The following HMCN1 variants were observed in gnomAD, a reference collection of about 807,000 sequenced individuals.
The protein encoded by HMCN1 is hemicentin-1.
HMCN1 carries 321 observed loss-of-function variants against 625.9 expected under a neutral mutation model. The ratio of observed to expected loss-of-function variants is 0.51; its 90% CI spans 0.47 to 0.56. The LOEUF (loss-of-function observed/expected upper bound fraction) is 0.56, where lower values mean the gene tolerates loss of function less well. HMCN1 is among the 20% of genes least tolerant of loss of function. The probability of loss-of-function intolerance (pLI) is 0.00; values close to 1 mark genes in which losing one functional copy is unlikely to be tolerated. For synonymous variants in HMCN1, 2,425 were observed against 2,417.6 expected, an observed-to-expected ratio of 1.00 and a Z score of -0.09; for missense variants, 6,588 against 6,887.3, an observed-to-expected ratio of 0.96 and a Z score of 1.54.
intron 14 of HMCN1, among the ~76,000 whole-genome samples, chr1:185,968,034 ATATG>A (rs1422905263): frequency 1.3e-5 from 2 of 152,214 alleles, no homozygotes; most frequent in Non-Finnish European, 2.9e-5. Flanking sequence ...TATAAAAAGT[ATATG>A]TATGGTAAAA....
chr1:186,070,630 A>G lies in HMCN1; in HGVS notation c.8012A>G (p.Lys2671Arg). The change falls in exon 52 of 107, where the codon AAA becomes AGA. Residue 2671 changes from lysine (K) to arginine (R), a missense_variant. Lys to Arg is a conservative substitution (Grantham distance 26, BLOSUM62 2). Around this residue, in one of 3 missense-constraint regions of HMCN1, gnomAD observed 4,628 missense variants for 4,853.1 expected, o/e 0.95. Coordinates refer to ENST00000271588, the MANE Select transcript of HMCN1 (RefSeq NM_031935.3). ...VKVYIPPIIN[K>R]GDLWGPGLSP... ...TATGCAGTTCCACCCATAATCAATA[A>G]AGGGGACCTTTGGGGGCCAGGTCTT... 1 of 1,612,922 alleles carries G rather than the reference A, an allele frequency of 6.2e-7. No homozygotes were observed. The highest frequency in any genetic ancestry group is 1.7e-5 in the Admixed American group (1 of 60,002).
chr1:186,081,491 T>A, intron 56 of HMCN1, 97 bp downstream of exon 56: 1 of 825,812 alleles, frequency 1.2e-6, no homozygotes, highest in Non-Finnish European at 1.9e-6. Context: ...TATTAGCTTG[T>A]AAATATTATA....
At chr1:185,760,523 T>A (rs1655425612) in intron 1 of HMCN1, among the ~76,000 whole-genome samples, 3 of 152,232 alleles carry the variant, frequency 2.0e-5, no homozygotes, top group Admixed American at 6.5e-5. Flanking sequence ...TTTGTTTTTT[T>A]AAATTTATTC....
At chr1:185,958,219 A>G (rs1649758888) in intron 11 of HMCN1, among the ~76,000 whole-genome samples, 1 of 152,096 alleles carries the variant, frequency 6.6e-6, no homozygotes, top group African/African-American at 2.4e-5. Context: ...GGCCCAGGTG[A>G]TCCTCCCACC....
chr1:186,125,897 A>G, intron 82 of HMCN1, 103 bp downstream of exon 82: 1 of 810,340 alleles, frequency 1.2e-6, no homozygotes, highest in Non-Finnish European at 2.0e-6. Flanking sequence ...TAATTAAAAA[A>G]AATATTCTTG....
Position 185,965,794 on chromosome 1 carries a change from T to C in HMCN1, c.2099-8T>C. On this transcript the variant is annotated splice_region_variant and splice_polypyrimidine_tract_variant and intron_variant, in intron 13 of 106. Transcript: ENST00000271588. ...AATGTTGACTATTTGCGTTTTTGTT[T>C]TTTTCAGAAGCCCCTAAGTTGATGG... The C allele has an allele frequency of 6.4e-7, 1 of 1,565,552 alleles. No individual in the cohort carries two copies. The highest frequency in any genetic ancestry group is 8.8e-7 in the Non-Finnish European group (1 of 1,136,030).
In HMCN1 at chr1:186,178,505, C is replaced by A. The variant is rs1652738719; in HGVS notation, c.16033C>A (p.Gln5345Lys). Residue 5345 changes from glutamine (Q) to lysine (K), a missense_variant, in exon 104 of 107, where the codon CAA becomes AAA. Gln to Lys is a moderately conservative substitution (Grantham distance 53, BLOSUM62 1). Coordinates refer to ENST00000271588, the MANE Select transcript of HMCN1 (RefSeq NM_031935.3). Reference protein sequence around the residue: ...GSFKCICPPGQHLLGDGKSCA... With the variant: ...GSFKCICPPGKHLLGDGKSCA... The stretch of plus-strand genomic sequence containing the variant: ...CTTCAAGTGTATCTGTCCACCAGGA[C>A]AACATTTATTAGGGGACGGGAAATC... 4 of 1,613,866 alleles carry A rather than the reference C, an allele frequency of 2.5e-6. No individual in the cohort carries two copies. The highest frequency in any genetic ancestry group is 1.1e-5 in the South Asian group (1 of 91,070).
chr1:186,029,096 A>T (rs1368901318), intron 36 of HMCN1, among the ~76,000 whole-genome samples: 1 of 152,050 alleles, frequency 6.6e-6, no homozygotes, highest in Non-Finnish European at 1.5e-5. Context: ...AGCTAAGATA[A>T]CATCTTTATA....
chr1:185,883,399 C>A (rs1664430982), intron 4 of HMCN1, among the ~76,000 whole-genome samples: 1 of 152,006 alleles, frequency 6.6e-6, no homozygotes, highest in African/African-American at 2.4e-5. Flanking sequence ...CCCTTATGCC[C>A]CCTTTCACTC....
At chr1:185,874,725 A>C (rs528112594) in intron 4 of HMCN1, among the ~76,000 whole-genome samples, 1 of 152,132 alleles carries the variant, frequency 6.6e-6, no homozygotes, top group South Asian at 2.1e-4. Flanking sequence ...AGGAAAAAAA[A>C]TTCAGAATTC....
chr1:185,819,758 A>C (rs886196490), intron 1 of HMCN1, among the ~76,000 whole-genome samples: 6 of 152,230 alleles, frequency 3.9e-5, no homozygotes, highest in Non-Finnish European at 7.3e-5. Context: ...ATTTGAAAAC[A>C]TGAGGAGTCC....
rs150365112 is a variant in HMCN1, at chr1:186,118,209, G to A, written c.11848+586G>A. Among the ~76,000 whole-genome samples the A allele has an allele frequency of 2.8e-3, 433 of 152,074 alleles. 5 individuals carry two copies. The highest frequency in any genetic ancestry group is 0.01 in the African/African-American group (416 of 41,490). On this transcript the variant is annotated intron_variant, in intron 77 of 106. Coordinates refer to ENST00000271588, the MANE Select transcript of HMCN1 (RefSeq NM_031935.3). The stretch of plus-strand genomic sequence containing the variant: ...CCTAAAGTATAGGTGATTCACGTTG[G>A]TGTTTCTAAAACTTATCCTACACTG...
chr1:185,971,232 C>G (rs1361480505), intron 15 of HMCN1, among the ~76,000 whole-genome samples: 1 of 152,126 alleles, frequency 6.6e-6, no homozygotes, highest in Non-Finnish European at 1.5e-5. Flanking sequence ...ATATTGATGA[C>G]AGCAAAGGTA....
intron 1 of HMCN1, among the ~76,000 whole-genome samples, chr1:185,738,812 T>C (rs1219573620): frequency 6.6e-6 from 1 of 152,204 alleles, no homozygotes; most frequent in Non-Finnish European, 1.5e-5. Context: ...ATTCAAAAAA[T>C]AGAAAGTAAA....
At chr1:186,030,941 C>A (rs573489052) in intron 36 of HMCN1, among the ~76,000 whole-genome samples, 1 of 151,582 alleles carries the variant, frequency 6.6e-6, no homozygotes, top group African/African-American at 2.4e-5. Flanking sequence ...TCTCTTTTTC[C>A]CCTCTTTTGT....
In HMCN1 at chr1:186,018,322, C is replaced by T. The variant is rs1420846513; in HGVS notation, c.5440C>T (p.His1814Tyr). The T allele has an allele frequency of 6.2e-7, 1 of 1,612,736 alleles. No homozygotes were observed. The highest frequency in any genetic ancestry group is 2.2e-5 in the East Asian group (1 of 44,848). Residue 1814 changes from histidine (H) to tyrosine (Y), a missense_variant, in exon 34 of 107, where the codon CAC (histidine) becomes TAC (tyrosine). His to Tyr is a moderately conservative substitution (Grantham distance 83). Around this residue, in one of 3 missense-constraint regions of HMCN1, gnomAD observed 4,628 missense variants for 4,853.1 expected, o/e 0.95. Transcript: ENST00000271588. ...CATGGCAGCAAATACTGCTGGAGACCACAAGAAGGAATTTGAAGTGACTGT... is the reference window on the plus strand; with the variant it reads ...CATGGCAGCAAATACTGCTGGAGACTACAAGAAGGAATTTGAAGTGACTGT... ...RCMAANTAGDHKKEFEVTVHV... is the reference protein window; with the variant it reads ...RCMAANTAGDYKKEFEVTVHV...
chr1:186,065,669 T>C (rs970030242), intron 49 of HMCN1, among the ~76,000 whole-genome samples: 2 of 152,182 alleles, frequency 1.3e-5, no homozygotes, highest in Admixed American at 6.5e-5. Context: ...CTGAATAAGA[T>C]AGACTAATCA....
At chr1:186,151,014 GGTT>G (rs1650629328) in intron 93 of HMCN1, among the ~76,000 whole-genome samples, 183 bp from the exon 94 acceptor site, 1 of 152,024 alleles carries the variant, frequency 6.6e-6, no homozygotes, top group African/African-American at 2.4e-5. Flanking sequence ...GGGTGATGAT[GGTT>G]GTTATGTGAA....
At chr1:186,140,897 A>G (rs192237322) in intron 89 of HMCN1, among the ~76,000 whole-genome samples, 6 of 152,214 alleles carry the variant, frequency 3.9e-5, no homozygotes, top group Admixed American at 3.3e-4. Context: ...CAATTTTTCT[A>G]CAGATCGAGG....
Sources: gnomAD v4.1 joint callset for allele counts (sites outside exome capture counted in the v4.1 genomes callset) on GRCh38, gnomAD v4.1.1 for gene constraint, gnomAD v4.1.1 regional missense constraint, MANE v1.5 for transcripts, NCBI Gene and HGNC (gene_info 2026-07-23, HGNC 2026-07-21) for gene names.